The following FRMD3 variants were observed in gnomAD, a reference collection of about 807,000 sequenced individuals.
The protein encoded by FRMD3 is FERM domain-containing protein 3.
FRMD3 carries 33 observed loss-of-function variants against 70.2 expected under a neutral mutation model. The ratio of observed to expected loss-of-function variants is 0.47; its 90% CI spans 0.36 to 0.63. FRMD3 has a LOEUF of 0.63. FRMD3 is among the 20% of genes least tolerant of loss of function. The pLI, the probability that FRMD3 is intolerant of heterozygous loss-of-function variation, is 0.00. For synonymous variants in FRMD3, 279 were observed against 255.9 expected (o/e 1.09, Z -0.86); for missense variants, 632 against 711.4 (o/e 0.89, Z 1.27).
intron 2 of FRMD3, among the ~76,000 whole-genome samples, chr9:83,380,937 C>T (rs1294601798): frequency 2.6e-5 from 4 of 152,274 alleles, no homozygotes; most frequent in South Asian, 2.1e-4. Context: ...ATTCCCATGA[C>T]GACCCTAAAA....
intron 1 of FRMD3, among the ~76,000 whole-genome samples, chr9:83,517,494 C>CAAAAAAA (rs59178344): frequency 2.3e-4 from 15 of 65,516 alleles, no homozygotes; most frequent in Non-Finnish European, 2.1e-4. Flanking sequence ...CCTACCAATC[C>CAAAAAAA]AAAAAAAAAA....
the FRMD3 span, among the ~76,000 whole-genome samples, chr9:83,579,061 T>C: frequency 5.2e-4 from 79 of 151,678 alleles, no homozygotes; most frequent in African/African-American, 1.9e-3. Flanking sequence ...ACATTTACAA[T>C]AGTAACAAGA....
chr9:83,297,610 G>A (rs887240097), intron 12 of FRMD3: 1 of 388,318 alleles, frequency 2.6e-6, no homozygotes. Context: ...TTGGGGAAGA[G>A]GAGGGAACCA....
chr9:83,285,347 A>G (rs1348680125), intron 13 of FRMD3, among the ~76,000 whole-genome samples: 1 of 152,192 alleles, frequency 6.6e-6, no homozygotes, highest in Non-Finnish European at 1.5e-5. Flanking sequence ...ATTCTTCAAT[A>G]AAGATACTTT....
intron 3 of FRMD3, among the ~76,000 whole-genome samples, chr9:83,361,415 T>C (rs1216448533): frequency 6.6e-6 from 1 of 152,186 alleles, no homozygotes; most frequent in East Asian, 1.9e-4. Flanking sequence ...GTTATACGAA[T>C]GAGGATGATA....
chr9:83,398,102 C>G (rs770086786), intron 1 of FRMD3, among the ~76,000 whole-genome samples: 1 of 152,088 alleles, frequency 6.6e-6, no homozygotes, highest in Non-Finnish European at 1.5e-5. Context: ...CATAAAAGTG[C>G]TCTGTTAATA....
intron 1 of FRMD3, among the ~76,000 whole-genome samples, chr9:83,490,586 G>A (rs1828794366): frequency 6.6e-6 from 1 of 152,078 alleles, no homozygotes; most frequent in Non-Finnish European, 1.5e-5. Flanking sequence ...CCAGCCTGTA[G>A]TTCTACATTC....
the FRMD3 span, among the ~76,000 whole-genome samples, chr9:83,581,213 C>T: frequency 6.6e-6 from 1 of 152,000 alleles, no homozygotes; most frequent in East Asian, 1.9e-4. Flanking sequence ...AAAATATTTG[C>T]AAATTACACC....
intron 3 of FRMD3, among the ~76,000 whole-genome samples, chr9:83,359,302 C>G (rs774103044): frequency 5.9e-5 from 9 of 152,156 alleles, no homozygotes; most frequent in Non-Finnish European, 8.8e-5. Flanking sequence ...AATCCTTGGT[C>G]TCTGAATTCT....
intron 3 of FRMD3, among the ~76,000 whole-genome samples, chr9:83,354,255 G>C (rs924329823): frequency 1.3e-5 from 2 of 150,024 alleles, no homozygotes; most frequent in Non-Finnish European, 1.5e-5. Flanking sequence ...ATCAACCTAA[G>C]TGCCCATCAA....
chr9:83,428,368 ACTCGGC>A (rs1826873302), intron 1 of FRMD3, among the ~76,000 whole-genome samples: 1 of 151,170 alleles, frequency 6.6e-6, no homozygotes, highest in Non-Finnish European at 1.5e-5. Context: ...ACAGAGCGAG[ACTCGGC>A]CTCAAAAAAA....
chr9:83,391,373 A>C (rs1334066945), intron 1 of FRMD3, among the ~76,000 whole-genome samples: 1 of 152,234 alleles, frequency 6.6e-6, no homozygotes, highest in Non-Finnish European at 1.5e-5. Context: ...TCTGTAATCC[A>C]ATCATCTTTA....
chr9:83,300,256 TG>T (rs1834855580), intron 10 of FRMD3, among the ~76,000 whole-genome samples: 1 of 151,952 alleles, frequency 6.6e-6, no homozygotes, highest in Non-Finnish European at 1.5e-5. Flanking sequence ...TGATCTAGCC[TG>T]GGGGCCAGAG....
intron 1 of FRMD3, among the ~76,000 whole-genome samples, chr9:83,470,469 C>T (rs1828242601): frequency 6.6e-6 from 1 of 152,198 alleles, no homozygotes; most frequent in African/African-American, 2.4e-5. Context: ...TGTAAATCAG[C>T]TTGCAGAGTG....
At chr9:83,558,661 G>A in the FRMD3 span, among the ~76,000 whole-genome samples, 1 of 152,146 alleles carries the variant, frequency 6.6e-6, no homozygotes, top group South Asian at 2.1e-4. Flanking sequence ...GCCATAGATA[G>A]TGATTCCTCT....
At chr9:83,447,543 G>T (rs766061138) in intron 1 of FRMD3, among the ~76,000 whole-genome samples, 7 of 151,592 alleles carry the variant, frequency 4.6e-5, no homozygotes, top group Non-Finnish European at 1.0e-4. Flanking sequence ...GATGGCTCAG[G>T]TGAGTTCTGT....
At chr9:83,270,611 A>C (rs1833505690) in intron 13 of FRMD3, among the ~76,000 whole-genome samples, 1 of 152,250 alleles carries the variant, frequency 6.6e-6, no homozygotes, top group South Asian at 2.1e-4. Context: ...TTTAAAGCAC[A>C]GACTTTGGAG....
intron 13 of FRMD3, among the ~76,000 whole-genome samples, chr9:83,251,935 A>G (rs1832447361): frequency 6.6e-6 from 1 of 152,216 alleles, no homozygotes; most frequent in African/African-American, 2.4e-5. Context: ...AATGGAACCA[A>G]GTTAGAAAAT....
intron 2 of FRMD3, among the ~76,000 whole-genome samples, chr9:83,378,468 TATAAAATTTATATATATAATATAC>T (rs1825222562): frequency 1.1e-5 from 1 of 91,940 alleles, no homozygotes; most frequent in South Asian, 2.8e-4. Context: ...ATAATATACA[TATAAAATTTATATATATAATATAC>T]ATATAAAATT....
Sources: gnomAD v4.1 joint callset for allele counts (sites outside exome capture counted in the v4.1 genomes callset) on GRCh38, gnomAD v4.1.1 for gene constraint, MANE v1.5 for transcripts, NCBI Gene and HGNC (gene_info 2026-07-23, HGNC 2026-07-21) for gene names.